Variants in CDKL4 observed in about 807,000 individuals in gnomAD.
CDKL4 encodes cyclin dependent kinase like 4.
A neutral mutation model predicts 42.0 loss-of-function variants in CDKL4; 44 were observed. That is an observed-to-expected ratio of 1.05 (90% CI 0.82 to 1.35). The LOEUF is 1.35. Among genes scored for constraint, CDKL4 ranks in the 40% most tolerant of loss-of-function variants. The pLI, the probability that CDKL4 is intolerant of heterozygous loss-of-function variation, is 0.00. For missense variants in CDKL4, 393 were observed against 369.9 expected (o/e 1.06, Z -0.51); for synonymous variants, 120 against 121.6 (o/e 0.99, Z 0.09).
chr2:39,230,302 C>T (rs1372715958), intron 1 of CDKL4, among the ~76,000 whole-genome samples: 3 of 152,210 alleles, frequency 2.0e-5, no homozygotes, highest in Non-Finnish European at 1.5e-5. Context: ...TGAGATTGTG[C>T]CATTGCACTC....
chr2:39,187,570 C>A, intron 7 of CDKL4, 57 bp downstream of exon 7: 1 of 1,180,924 alleles, frequency 8.5e-7, no homozygotes, highest in Non-Finnish European at 1.2e-6. Flanking sequence ...ATAACAACTA[C>A]CTCTTTAAAG....
At chr2:39,218,261 G>T (rs1678062803) in intron 3 of CDKL4, among the ~76,000 whole-genome samples, 1 of 152,076 alleles carries the variant, frequency 6.6e-6, no homozygotes, top group African/African-American at 2.4e-5. Context: ...AGCACTTTGG[G>T]AGGCTGAGGC....
chr2:39,177,280 G>A (rs1297634054), intron 9 of CDKL4, among the ~76,000 whole-genome samples: 1 of 152,132 alleles, frequency 6.6e-6, no homozygotes, highest in Non-Finnish European at 1.5e-5. Context: ...ACCCCGTCGA[G>A]GCGAGGCAAG....
intron 5 of CDKL4, among the ~76,000 whole-genome samples, chr2:39,192,125 T>G (rs1676222408): frequency 6.6e-6 from 1 of 152,122 alleles, no homozygotes; most frequent in Admixed American, 6.5e-5. Context: ...AATTGGAGAA[T>G]GAGAAGGAAA....
At chr2:39,231,651 CTATG>C (rs145696784) in intron 1 of CDKL4, among the ~76,000 whole-genome samples, 1,732 of 152,254 alleles carry the variant, frequency 0.011, 38 homozygotes, top group African/African-American at 0.04. Flanking sequence ...GTATTTTTAC[CTATG>C]TATTATTATT....
chr2:39,168,998 G>T, the CDKL4 span, among the ~76,000 whole-genome samples: 1 of 152,010 alleles, frequency 6.6e-6, no homozygotes, highest in East Asian at 1.9e-4. Flanking sequence ...CTCGTGATCC[G>T]CCTGCCTTGC....
chr2:39,208,176 G>A (rs1433817082), intron 4 of CDKL4, among the ~76,000 whole-genome samples: 1 of 151,792 alleles, frequency 6.6e-6, no homozygotes, highest in East Asian at 1.9e-4. Flanking sequence ...CAGGGCATGG[G>A]GGGAAGAAGA....
At chr2:39,175,320 G>A (rs561322121), downstream of CDKL4, among the ~76,000 whole-genome samples, 79 of 152,312 alleles carry the variant, frequency 5.2e-4, no homozygotes, top group African/African-American at 1.6e-3. Context: ...ATCCGAGGGC[G>A]TTACTGATGA....
chr2:39,220,683 G>T (rs1012916943), intron 3 of CDKL4, among the ~76,000 whole-genome samples: 1 of 151,920 alleles, frequency 6.6e-6, no homozygotes, highest in Non-Finnish European at 1.5e-5. Flanking sequence ...TGCCTCCCAG[G>T]TTCAAGCAAT....
the CDKL4 span, among the ~76,000 whole-genome samples, chr2:39,169,471 T>C: frequency 6.6e-6 from 1 of 152,064 alleles, no homozygotes; most frequent in Non-Finnish European, 1.5e-5. Flanking sequence ...CCTGGCTAGA[T>C]CATAAACACT....
the CDKL4 span, among the ~76,000 whole-genome samples, chr2:39,170,626 T>C: frequency 6.6e-6 from 1 of 152,002 alleles, no homozygotes; most frequent in Admixed American, 6.6e-5. Flanking sequence ...CTGGCTAATT[T>C]TTGCATTTTT....
chr2:39,231,073 G>T (rs1679068662), intron 1 of CDKL4, among the ~76,000 whole-genome samples: 1 of 152,186 alleles, frequency 6.6e-6, no homozygotes, highest in African/African-American at 2.4e-5. Flanking sequence ...TTACCCGGGT[G>T]TGGTGGCACA....
At chr2:39,171,342 A>G (rs1674995335), downstream of CDKL4, among the ~76,000 whole-genome samples, 4 of 152,178 alleles carry the variant, frequency 2.6e-5, no homozygotes. Flanking sequence ...AAAAAAAACA[A>G]ACTACTTTCT....
At chr2:39,201,073 C>T (rs1051000736) in intron 5 of CDKL4, among the ~76,000 whole-genome samples, 4 of 152,136 alleles carry the variant, frequency 2.6e-5, no homozygotes, top group Non-Finnish European at 5.9e-5. Flanking sequence ...ATACATCCAA[C>T]AGAGGACTAA....
chr2:39,235,167 C>T (rs183015315), intron 1 of CDKL4, among the ~76,000 whole-genome samples: 2 of 152,254 alleles, frequency 1.3e-5, no homozygotes, highest in Non-Finnish European at 2.9e-5. Context: ...CATGAGCCTC[C>T]ACACCCAGCT....
intron 3 of CDKL4, among the ~76,000 whole-genome samples, 174 bp downstream of exon 3, chr2:39,225,665 T>C (rs1678662982): frequency 6.6e-6 from 1 of 152,224 alleles, no homozygotes; most frequent in Admixed American, 6.5e-5. Context: ...TTATAACTCC[T>C]ATAGGTAAAT....
intron 5 of CDKL4, among the ~76,000 whole-genome samples, chr2:39,194,793 A>C (rs866632979): frequency 6.6e-6 from 1 of 152,120 alleles, no homozygotes; most frequent in Non-Finnish European, 1.5e-5. Context: ...GAGGAGCTTA[A>C]ATTTATTTTG....
At chr2:39,186,730 C>T (rs1186036763) in intron 7 of CDKL4, among the ~76,000 whole-genome samples, 3 of 151,014 alleles carry the variant, frequency 2.0e-5, no homozygotes, top group Non-Finnish European at 4.4e-5. Flanking sequence ...TTTTACAAGC[C>T]GAAAAAATTT....
At chr2:39,171,453 A>T (rs957888036), downstream of CDKL4, among the ~76,000 whole-genome samples, 2 of 152,180 alleles carry the variant, frequency 1.3e-5, no homozygotes, top group South Asian at 2.1e-4. Context: ...ACTTTTCAGC[A>T]ATTCAGTCTA....
Sources: allele counts gnomAD v4.1 joint callset (sites outside exome capture counted in the v4.1 genomes callset), GRCh38; gene constraint gnomAD v4.1.1; transcripts MANE v1.5; gene names NCBI Gene and HGNC (gene_info 2026-07-23, HGNC 2026-07-21).